The following RAB37 variants were observed in gnomAD, a reference collection of about 807,000 sequenced individuals.
The protein encoded by RAB37 is RAB37, member RAS oncogene family, also known as ras-related protein Rab-37.
In RAB37, 29 loss-of-function variants were observed where a neutral mutation model predicts 33.1. That is an observed-to-expected ratio of 0.88 (90% CI 0.65 to 1.20). The LOEUF (loss-of-function observed/expected upper bound fraction) is 1.20. Ranked by LOEUF, RAB37 falls within the 50% of genes most tolerant of loss-of-function variation. The pLI is 0.00. For synonymous variants in RAB37, 128 were observed against 119.5 expected, an observed-to-expected ratio of 1.07 and a Z score of -0.47; for missense variants, 299 against 301.1, an observed-to-expected ratio of 0.99 and a Z score of 0.05.
In RAB37 at chr17:74,729,497, C is replaced by T. The variant is rs2034358421; in HGVS notation, c.183+131C>T. 4 of 729,950 alleles carry T rather than the reference C, an allele frequency of 5.5e-6. No homozygotes were observed. The highest frequency in any genetic ancestry group is 2.6e-5 in the East Asian group (1 of 39,082). 45.2% of individuals were successfully genotyped at this position (729,950 alleles called of 1,614,324 possible). A position where few individuals can be genotyped will look rare whatever the true frequency, so the allele number is the denominator to read the frequency against. ...AAGGAGGATTAAGGAGAAGACTGTTCCCCAAGGTGTAGGAGGGTGTTGGGT... is the reference window on the plus strand; with the variant it reads ...AAGGAGGATTAAGGAGAAGACTGTTTCCCAAGGTGTAGGAGGGTGTTGGGT... On this transcript the variant is annotated intron_variant, in intron 2 of 7. Coordinates refer to the RAB37 transcript ENST00000340415. This position sits in a 1 kb window ranked among gnomAD's most constrained non-coding sequence, Gnocchi z 4.2.
At chr17:74,733,109 G>A (rs550862499), upstream of RAB37, among the ~76,000 whole-genome samples, 2 of 152,182 alleles carry the variant, frequency 1.3e-5, no homozygotes, top group East Asian at 1.9e-4. Flanking sequence ...CAGTGATGTG[G>A]CACAGGTGTT....
chr17:74,713,060 ACT>A lies in RAB37; in HGVS notation c.73-16195_73-16194del, dbSNP rs547810873. On this transcript the variant is annotated intron_variant, in intron 1 of 7. Transcript: ENST00000340415. ...CGTGGCTCAGGCCTGTAATCCTGGC[ACT>A]TTGGGAGGCCAAGGCGGGCGGATCA... 330 of 571,108 alleles carry A rather than the reference ACT, an allele frequency of 5.8e-4. 2 individuals carry two copies. Among genetic ancestry groups the A allele is most frequent in the South Asian group, 9.7e-4 (48 of 49,268 alleles). The allele number at this position is 571,108 out of a possible 1,614,324, so 35.4% of individuals were successfully genotyped here.
chr17:74,706,576 G>C (rs145978585), intron 1 of RAB37, among the ~76,000 whole-genome samples: 277 of 152,268 alleles, frequency 1.8e-3, no homozygotes, highest in African/African-American at 6.5e-3. Flanking sequence ...GCTGAGGCAA[G>C]AGAATCGCTT....
At chr17:74,696,802 C>A (rs1490375532) in intron 1 of RAB37, among the ~76,000 whole-genome samples, 1 of 152,152 alleles carries the variant, frequency 6.6e-6, no homozygotes, top group Non-Finnish European at 1.5e-5. Context: ...GCAGGTGGTG[C>A]TCCATCAGTA....
upstream of RAB37, among the ~76,000 whole-genome samples, chr17:74,732,528 G>A (rs894431004): frequency 6.2e-5 from 2 of 32,276 alleles, no homozygotes; most frequent in East Asian, 1.4e-3. Context: ...GTGATTTGAG[G>A]TGCGTGGTGA....
chr17:74,708,229 A>G (rs778481661), intron 1 of RAB37, among the ~76,000 whole-genome samples: 1 of 152,114 alleles, frequency 6.6e-6, no homozygotes, highest in Non-Finnish European at 1.5e-5. Context: ...TAAATAGAAA[A>G]CCTGAATCAT....
At chr17:74,705,300 A>T in intron 1 of RAB37, 1 of 693,672 alleles carries the variant, frequency 1.4e-6, no homozygotes, top group South Asian at 1.5e-5. Flanking sequence ...AATGATTTCT[A>T]GTGGTTCTGG....
chr17:74,671,490 AC>A lies in RAB37; in HGVS notation c.-94del, dbSNP rs1246813595. 18 of 1,185,936 alleles carry A rather than the reference AC, an allele frequency of 1.5e-5. No individual in the cohort carries two copies. In the African/African-American group the frequency reaches 2.4e-4, roughly 16 times the overall value. The allele number at this position is 1,185,936 out of a possible 1,614,324, so 73.5% of individuals were successfully genotyped here. A position where few individuals can be genotyped will look rare whatever the true frequency, so the allele number is the denominator to read the frequency against. On this transcript the variant is annotated 5_prime_UTR_variant, in exon 1 of 8. Transcript: ENST00000340415. This position sits in a 1 kb window ranked among gnomAD's most constrained non-coding sequence, Gnocchi z 5.0. ...ATGCGGCCCGGCCCGCAGAGCTCAG[AC>A]CCAAGCCTGCCGCACCCAGCGGAGC...
upstream of RAB37, chr17:74,736,736 G>C: frequency 6.5e-7 from 1 of 1,535,742 alleles, no homozygotes; most frequent in Non-Finnish European, 8.7e-7. Context: ...TGCAAGGCGA[G>C]TACGGGTTGG....
At chr17:74,703,954 T>C (rs936153061) in intron 1 of RAB37, among the ~76,000 whole-genome samples, 3 of 152,204 alleles carry the variant, frequency 2.0e-5, no homozygotes, top group Non-Finnish European at 4.4e-5. Context: ...GGACCAGGAA[T>C]GCAGCCGTTT....
rs1049879429 is a variant in RAB37, at chr17:74,747,062, G to C, written c.*1651G>C. 1.3e-5 allele frequency: 2 copies of C among 152,382 alleles called. No homozygotes were observed. The highest frequency in any genetic ancestry group is 2.9e-5 in the Non-Finnish European group (2 of 68,194). 9.4% of individuals were successfully genotyped at this position (152,382 alleles called of 1,614,324 possible). On this transcript the variant is annotated 3_prime_UTR_variant, in exon 9 of 9. Coordinates refer to ENST00000392613, the MANE Select transcript of RAB37 (RefSeq NM_001006638.3). Reference sequence around the variant, plus strand: ...TTACTGCAGCTCTGCCGGCCTGGAGGGGGAGAGGGGGAGGAAGAAGTATGC... The same window carrying C: ...TTACTGCAGCTCTGCCGGCCTGGAGCGGGAGAGGGGGAGGAAGAAGTATGC...
chr17:74,694,953 C>G (rs950800418), intron 1 of RAB37: 1 of 940,444 alleles, frequency 1.1e-6, no homozygotes, highest in Non-Finnish European at 1.6e-6. Context: ...CCAAGCCCAA[C>G]CCAGAGCTAG....
chr17:74,737,876 C>T lies in RAB37; in HGVS notation c.93+511C>T, dbSNP rs918209734. Among the ~76,000 whole-genome samples the T allele has an allele frequency of 3.9e-5, 6 of 152,176 alleles. 1 individual carries two copies. In the South Asian group the frequency reaches 8.3e-4, roughly 21 times the overall value. On this transcript the variant is annotated intron_variant, in intron 1 of 8. Transcript: ENST00000392613. ...TTCCACCCGCTGGAGGCACTGCCTC[C>T]CACCTTCCTCCCTGCAGTCGGAAGC...
At position 74,737,463 on chromosome 17, in the gene RAB37, G is replaced by A. The variant is rs1237477202; in HGVS notation, c.93+98G>A. On this transcript the variant is annotated intron_variant, in intron 1 of 8. Transcript: ENST00000392613. ...CTCAGCCCTTCCCCCAGGCAGCTGCGTCTCCCAGAGGAGGGAGGGAGAGAG... is the reference window on the plus strand; with the variant it reads ...CTCAGCCCTTCCCCCAGGCAGCTGCATCTCCCAGAGGAGGGAGGGAGAGAG... 8.3e-6 allele frequency: 11 copies of A among 1,319,810 alleles called. No individual in the cohort carries two copies. The East Asian group carries it at 2.8e-4, about 34-fold the overall frequency. The allele number at this position is 1,319,810 out of a possible 1,614,324, so 81.8% of individuals were successfully genotyped here.
upstream of RAB37, among the ~76,000 whole-genome samples, chr17:74,733,352 G>C (rs552777360): frequency 6.6e-6 from 1 of 151,914 alleles, no homozygotes; most frequent in South Asian, 2.1e-4. Flanking sequence ...TGAGGCATGT[G>C]TATTTATGGT....
Position 74,738,723 on chromosome 17 carries a change from C to T in RAB37, c.93+1358C>T, listed in dbSNP as rs1255509264. Among the ~76,000 whole-genome samples, 1 of 152,174 alleles carries T rather than the reference C, an allele frequency of 6.6e-6. No homozygotes were observed. Among genetic ancestry groups the T allele is most frequent in the South Asian group, 2.1e-4 (1 of 4,832 alleles). ...CTTCATCTGTTCCCTGGCCAAGCGG[C>T]ATTGGCCGGAGAGTTGGTCCCCAGC... On this transcript the variant is annotated intron_variant, in intron 1 of 8. Transcript: ENST00000392613. The surrounding 1 kb of genome is among the most constrained non-coding windows in gnomAD (Gnocchi z 5.0).
At chr17:74,713,861 A>AAGACCAG (rs999870135) in intron 1 of RAB37, among the ~76,000 whole-genome samples, 6 of 131,882 alleles carry the variant, frequency 4.5e-5, no homozygotes, top group Non-Finnish European at 9.3e-5. Context: ...CCAGGAGTTC[A>AAGACCAG]AGACCAGCCT....
chr17:74,702,442 G>C (rs980785661), intron 1 of RAB37, among the ~76,000 whole-genome samples: 2 of 152,188 alleles, frequency 1.3e-5, no homozygotes, highest in Non-Finnish European at 2.9e-5. Context: ...GGTGGTTGTA[G>C]GAAAGGTCAA....
In RAB37 at chr17:74,744,322, G is replaced by T. The variant is rs1232965464; in HGVS notation, c.381G>T (p.Glu127Asp). 2 of 1,613,994 alleles carry T rather than the reference G, an allele frequency of 1.2e-6. No homozygotes were observed. Among genetic ancestry groups the T allele is most frequent in the African/African-American group, 2.7e-5 (2 of 75,044 alleles). Reference sequence around the variant, plus strand: ...CTCTCCCACAGGCCTGGCTCACTGAGATTCATGAGTATGCCCAGAGGGACG... The same window carrying T: ...CTCTCCCACAGGCCTGGCTCACTGATATTCATGAGTATGCCCAGAGGGACG... Reference protein sequence around the residue: ...SFDNIRAWLTEIHEYAQRDVV... With the variant: ...SFDNIRAWLTDIHEYAQRDVV... The change falls in exon 6 of 9, where the codon GAG becomes GAT. Residue 127 changes from glutamate (E) to aspartate (D), a missense_variant. By Grantham distance (45) the Glu-to-Asp change is conservative. Transcript: ENST00000392613. This position sits in a 1 kb window ranked among gnomAD's most constrained non-coding sequence, Gnocchi z 4.2.
Sources: gnomAD v4.1 joint callset for allele counts (sites outside exome capture counted in the v4.1 genomes callset) on GRCh38, gnomAD v4.1.1 for gene constraint, Gnocchi (gnomAD v3.1) non-coding constraint, MANE v1.5 for transcripts, NCBI Gene and HGNC (gene_info 2026-07-23, HGNC 2026-07-21) for gene names.